DCAF8L2: variants seen among roughly 807,000 people sequenced by gnomAD.
DCAF8L2 encodes the protein DDB1 and CUL4 associated factor 8 like 2, also known as DDB1- and CUL4-associated factor 8-like protein 2.
For synonymous variants in DCAF8L2, 200 were observed against 190.9 expected (o/e 1.05, Z -0.39); for missense variants, 430 against 490.7 (o/e 0.88, Z 1.17).
upstream of DCAF8L2, among the ~76,000 whole-genome samples, chrX:27,589,034 A>G (rs1925971139): frequency 8.9e-6 from 1 of 112,014 alleles, no homozygotes; most frequent in South Asian, 3.7e-4. Context: ...TTGGAAAGAC[A>G]ATGGCTAATC....
the DCAF8L2 span, among the ~76,000 whole-genome samples, chrX:27,499,843 G>A: frequency 9.8e-6 from 1 of 102,503 alleles, no homozygotes; most frequent in Non-Finnish European, 1.9e-5. Flanking sequence ...TGGTGGGGGG[G>A]GGTACAGGGC....
rs760953834 is a variant in DCAF8L2 at position 27,598,607 on chromosome X, G to A, written c.-342+8167G>A. On this transcript the variant is annotated intron_variant, in intron 1 of 4. Coordinates refer to ENST00000451261, the MANE Select transcript of DCAF8L2 (RefSeq NM_001353450.2). ...AGAGTAAATAACTGCCTTTGTTCTC[G>A]CTTCTGCAAGTACGCTTCCTGCATG... Among the ~76,000 whole-genome samples the A allele has an allele frequency of 2.7e-5, 3 of 111,997 alleles. No homozygotes were observed. In the Admixed American group the frequency reaches 2.9e-4, roughly 11 times the overall value.
the DCAF8L2 span, among the ~76,000 whole-genome samples, chrX:27,535,549 C>T: frequency 1.8e-5 from 2 of 111,402 alleles, no homozygotes; most frequent in Admixed American, 1.9e-4. Flanking sequence ...GGCTTCACAG[C>T]TGTTTACAGC....
chrX:27,475,091 G>T, the DCAF8L2 span, among the ~76,000 whole-genome samples: 1 of 111,345 alleles, frequency 9.0e-6, no homozygotes. Flanking sequence ...TGGTTTTCTT[G>T]TGAAAATAGG....
At chrX:27,654,358 A>G (rs1929269170) in intron 2 of DCAF8L2, among the ~76,000 whole-genome samples, 1 of 112,414 alleles carries the variant, frequency 8.9e-6, no homozygotes. Context: ...ACTACCTGGT[A>G]TTTGCCTTTT....
the DCAF8L2 span, among the ~76,000 whole-genome samples, chrX:27,564,789 T>C: frequency 1.8e-5 from 2 of 110,186 alleles, no homozygotes; most frequent in African/African-American, 6.6e-5. Flanking sequence ...ACTAGTAATT[T>C]TGGGCCATGC....
At chrX:27,723,987 T>C (rs1040156455) in intron 4 of DCAF8L2, among the ~76,000 whole-genome samples, 6 of 111,004 alleles carry the variant, frequency 5.4e-5, no homozygotes, top group South Asian at 3.7e-4. Context: ...ACCTTTTTTT[T>C]CCTAAGAAAT....
chrX:27,661,589 G>A (rs1012997103), intron 2 of DCAF8L2, among the ~76,000 whole-genome samples: 1 of 111,319 alleles, frequency 9.0e-6, no homozygotes, highest in African/African-American at 3.3e-5. Flanking sequence ...ATATATGCTT[G>A]TTAACTTAAT....
the DCAF8L2 span, among the ~76,000 whole-genome samples, chrX:27,552,520 CCA>C: frequency 9.0e-6 from 1 of 111,550 alleles, no homozygotes; most frequent in Non-Finnish European, 1.9e-5. Flanking sequence ...ATATGAATGT[CCA>C]GTTTTCCAAG....
chrX:27,476,224 T>C, the DCAF8L2 span, among the ~76,000 whole-genome samples: 11 of 109,779 alleles, frequency 1.0e-4, 1 homozygote, highest in East Asian at 3.2e-3. Context: ...CAGTATCCTA[T>C]GGGCACTGTG....
chrX:27,644,740 T>A (rs1394621253), intron 2 of DCAF8L2, among the ~76,000 whole-genome samples: 1 of 111,742 alleles, frequency 8.9e-6, no homozygotes, highest in Non-Finnish European at 1.9e-5. Flanking sequence ...AAGGAGGGAC[T>A]CATCCCTAAC....
At chrX:27,551,220 GTCAA>G in the DCAF8L2 span, among the ~76,000 whole-genome samples, 3 of 109,382 alleles carry the variant, frequency 2.7e-5, no homozygotes, top group Non-Finnish European at 5.7e-5. Flanking sequence ...GAAAGGAAGA[GTCAA>G]TCAGTGTGGC....
At chrX:27,741,646 C>A (rs1921860732) in intron 4 of DCAF8L2, among the ~76,000 whole-genome samples, 1 of 111,632 alleles carries the variant, frequency 9.0e-6, no homozygotes, top group South Asian at 3.7e-4. Flanking sequence ...CGCCACCTCG[C>A]TGATTTCAGA....
the DCAF8L2 span, among the ~76,000 whole-genome samples, chrX:27,472,131 G>C: frequency 1.8e-5 from 2 of 111,397 alleles, no homozygotes; most frequent in Non-Finnish European, 3.8e-5. Context: ...TTTGCTACAA[G>C]ACACATCACC....
Position 27,748,436 on chromosome X carries a change from G to A in DCAF8L2, c.1541G>A (p.Gly514Asp). Residue 514 changes from glycine to aspartate, a missense_variant, in exon 5 of 5, where the codon GGT (glycine) becomes GAT (aspartate). Gly to Asp is a moderately conservative substitution (Grantham distance 94). Coordinates refer to ENST00000451261, the MANE Select transcript of DCAF8L2 (RefSeq NM_001353450.2). ...IIQFLKGSRE[G>D]TINCLEPHPY... ...CAGTTCCTAAAGGGGAGCAGAGAAG[G>A]TACAATAAACTGTCTTGAACCCCAC... 3 of 1,206,650 alleles carry A rather than the reference G, an allele frequency of 2.5e-6. No individual in the cohort carries two copies. Among genetic ancestry groups the A allele is most frequent in the Non-Finnish European group, 3.4e-6 (3 of 892,534 alleles).
chrX:27,705,924 T>C (rs1931329198), intron 3 of DCAF8L2, among the ~76,000 whole-genome samples: 1 of 111,738 alleles, frequency 8.9e-6, no homozygotes, highest in South Asian at 3.7e-4. Context: ...CAGATTTAGG[T>C]TTTACATTTA....
chrX:27,498,687 G>A, the DCAF8L2 span, among the ~76,000 whole-genome samples: 4 of 111,839 alleles, frequency 3.6e-5, no homozygotes, highest in African/African-American at 6.5e-5. Flanking sequence ...CTTCAAGTTC[G>A]TACCTTTTGA....
At chrX:27,513,641 G>T in the DCAF8L2 span, among the ~76,000 whole-genome samples, 2 of 107,438 alleles carry the variant, frequency 1.9e-5, no homozygotes, top group East Asian at 5.9e-4. Context: ...GGACATGGAG[G>T]TTACAGTGAG....
upstream of DCAF8L2, among the ~76,000 whole-genome samples, chrX:27,588,016 A>ATATATATATATATAT (rs1569152546): frequency 1.3e-4 from 13 of 100,104 alleles, no homozygotes; most frequent in African/African-American, 4.6e-4. Flanking sequence ...ATATATATAT[A>ATATATATATATATAT]ATTTCAAAGT....
Sources: allele counts gnomAD v4.1 joint callset (sites outside exome capture counted in the v4.1 genomes callset), GRCh38; gene constraint gnomAD v4.1.1; transcripts MANE v1.5; gene names NCBI Gene and HGNC (gene_info 2026-07-23, HGNC 2026-07-21).